Variants in AGO4 observed in about 807,000 individuals in gnomAD.
The protein encoded by AGO4 is protein argonaute-4.
AGO4 carries 33 observed loss-of-function variants against 104.7 expected under a neutral mutation model. The observed-to-expected ratio is 0.32, with a 90% confidence interval of 0.24 to 0.42. AGO4 has a LOEUF of 0.42. Ranked by LOEUF, AGO4 falls within the 10% of genes least tolerant of loss-of-function variation. AGO4 has a pLI of 1.00. For missense variants in AGO4, 711 were observed against 1,083.4 expected (o/e 0.66, Z 4.83); for synonymous variants, 331 against 364.7 (o/e 0.91, Z 1.05).
intron 13 of AGO4, among the ~76,000 whole-genome samples, chr1:35,840,227 G>C (rs1306211862): frequency 6.6e-6 from 1 of 151,606 alleles, no homozygotes; most frequent in African/African-American, 2.4e-5. Context: ...GTGTGATCTT[G>C]GCTCACTGCA....
chr1:35,808,549 A>G lies in AGO4; in HGVS notation c.19+114A>G. The G allele has an allele frequency of 2.2e-6, 2 of 926,922 alleles. No homozygotes were observed. Among genetic ancestry groups the G allele is most frequent in the East Asian group, 5.5e-5 (1 of 18,228 alleles). 57.4% of individuals were successfully genotyped at this position (926,922 alleles called of 1,614,324 possible). On this transcript the variant is annotated intron_variant, in intron 1 of 17. Coordinates refer to ENST00000373210, the MANE Select transcript of AGO4 (RefSeq NM_017629.4). The surrounding 1 kb of genome is among the most constrained non-coding windows in gnomAD (Gnocchi z 5.2). ...GGTTCGGGCCGCCAGGCCTCGGGGA[A>G]GGGGACCCGAGCCCCGCAGCACGAA...
chr1:35,832,079 G>A lies in AGO4; in HGVS notation c.1139G>A (p.Gly380Asp). Residue 380 changes from glycine (G) to aspartate (D), a missense_variant, in exon 10 of 18, where the codon GGT becomes GAT. Gly to Asp is a moderately conservative substitution (Grantham distance 94). Around this residue, in one of 3 missense-constraint regions of AGO4, gnomAD observed 401 missense variants for 665.5 expected, o/e 0.60. Transcript: ENST00000373210. ...SRLVKSNSMV[G>D]GPDPYLKEFG... ...TAGGTGAAGAGCAACAGTATGGTGGGTGGACCTGATCCATACCTTAAAGAA... is the reference window on the plus strand; with the variant it reads ...TAGGTGAAGAGCAACAGTATGGTGGATGGACCTGATCCATACCTTAAAGAA... 6.2e-7 allele frequency: 1 copy of A among 1,613,820 alleles called. No homozygotes were observed. The highest frequency in any genetic ancestry group is 1.1e-5 in the South Asian group (1 of 90,992).
intron 3 of AGO4, among the ~76,000 whole-genome samples, chr1:35,823,860 G>A (rs575545633): frequency 1.3e-5 from 2 of 152,106 alleles, no homozygotes; most frequent in Non-Finnish European, 2.9e-5. Context: ...TGGGATTACA[G>A]GCATGAGCCA....
chr1:35,841,166 C>G lies in AGO4; in HGVS notation c.1726C>G (p.Pro576Ala). The G allele has an allele frequency of 6.2e-7, 1 of 1,608,746 alleles. No homozygotes were observed. Among genetic ancestry groups the G allele is most frequent in the South Asian group, 1.1e-5 (1 of 90,976 alleles). ...INNVLVPHQRPSVFQQPVIFL... is the reference protein window; with the variant it reads ...INNVLVPHQRASVFQQPVIFL... Reference sequence around the variant, plus strand: ...CAACATCTCCTTAAATCTGAGCAGGCCCTCGGTGTTCCAGCAGCCTGTCAT... The same window carrying G: ...CAACATCTCCTTAAATCTGAGCAGGGCCTCGGTGTTCCAGCAGCCTGTCAT... The change falls in exon 14 of 18, where the codon CCC becomes GCC. Residue 576 changes from proline to alanine, a missense_variant and splice_region_variant. By Grantham distance (27) the Pro-to-Ala change is conservative (BLOSUM62 -1). Coordinates refer to ENST00000373210, the MANE Select transcript of AGO4 (RefSeq NM_017629.4). This position sits in a 1 kb window ranked among gnomAD's most constrained non-coding sequence, Gnocchi z 4.7.
chr1:35,844,629 C>G (rs926492565), intron 15 of AGO4, among the ~76,000 whole-genome samples: 1 of 152,184 alleles, frequency 6.6e-6, no homozygotes. Flanking sequence ...TCTCCTTCCT[C>G]GTATCTCTCC....
chr1:35,835,899 G>A lies in AGO4; in HGVS notation c.1630G>A (p.Val544Ile). 3 of 1,614,028 alleles carry A rather than the reference G, an allele frequency of 1.9e-6. No homozygotes were observed. Among genetic ancestry groups the A allele is most frequent in the Middle Eastern group, 1.7e-4 (1 of 6,060 alleles). Reference sequence around the variant, plus strand: ...CACACAGTGTGTCCAGGTAAAAAATGTAGTGAAGACCTCACCTCAAACCCT... The same window carrying A: ...CACACAGTGTGTCCAGGTAAAAAATATAGTGAAGACCTCACCTCAAACCCT... ...MATQCVQVKN[V>I]VKTSPQTLSN... Residue 544 changes from valine (V) to isoleucine (I), a missense_variant, in exon 13 of 18, where the codon GTA becomes ATA. By Grantham distance (29) the Val-to-Ile change is conservative (BLOSUM62 3). Coordinates refer to ENST00000373210, the MANE Select transcript of AGO4 (RefSeq NM_017629.4).
At chr1:35,845,545 C>T (rs1644552822) in intron 15 of AGO4, among the ~76,000 whole-genome samples, 1 of 152,072 alleles carries the variant, frequency 6.6e-6, no homozygotes, top group Non-Finnish European at 1.5e-5. Context: ...CTCCCTCTCT[C>T]CATTAAACAC....
At chr1:35,810,525 A>G (rs954927416) in intron 1 of AGO4, among the ~76,000 whole-genome samples, 3 of 152,168 alleles carry the variant, frequency 2.0e-5, no homozygotes, top group African/African-American at 7.2e-5. Context: ...TTATTTTGGT[A>G]ATATGTTGTT....
intron 1 of AGO4, among the ~76,000 whole-genome samples, chr1:35,809,887 C>T (rs555436688): frequency 1.3e-5 from 2 of 152,292 alleles, no homozygotes; most frequent in Non-Finnish European, 2.9e-5. Flanking sequence ...ACAGATGTTT[C>T]TTCCCTCCCC....
At chr1:35,848,418 C>A (rs1183715280) in intron 15 of AGO4, among the ~76,000 whole-genome samples, 3 of 151,156 alleles carry the variant, frequency 2.0e-5, no homozygotes, top group African/African-American at 7.3e-5. Flanking sequence ...CCCATATGCC[C>A]TTATGACATT....
At chr1:35,814,656 A>T (rs1417268486) in intron 1 of AGO4, among the ~76,000 whole-genome samples, 1 of 152,150 alleles carries the variant, frequency 6.6e-6, no homozygotes, top group Non-Finnish European at 1.5e-5. Flanking sequence ...TCTTTTGAAC[A>T]CAGAGGACGG....
At chr1:35,813,702 T>A (rs919582369) in intron 1 of AGO4, among the ~76,000 whole-genome samples, 5 of 151,318 alleles carry the variant, frequency 3.3e-5, no homozygotes, top group African/African-American at 4.9e-5. Flanking sequence ...TGAGCCATGA[T>A]TGACCCACTG....
intron 17 of AGO4, chr1:35,851,302 G>T: frequency 2.0e-6 from 1 of 509,784 alleles, no homozygotes. Context: ...CTCCCATGGA[G>T]CCAAATGCAT....
rs937052064 is a variant in AGO4, at chr1:35,832,076, T to C, written c.1136T>C (p.Val379Ala). Reference protein sequence around the residue: ...ISRLVKSNSMVGGPDPYLKEF... With the variant: ...ISRLVKSNSMAGGPDPYLKEF... Reference sequence around the variant, plus strand: ...CTTTAGGTGAAGAGCAACAGTATGGTGGGTGGACCTGATCCATACCTTAAA... The same window carrying C: ...CTTTAGGTGAAGAGCAACAGTATGGCGGGTGGACCTGATCCATACCTTAAA... The change falls in exon 10 of 18, where the codon GTG becomes GCG. Residue 379 changes from valine (V) to alanine (A), a missense_variant. Val to Ala is a moderately conservative substitution (Grantham distance 64, BLOSUM62 0). Around this residue, in one of 3 missense-constraint regions of AGO4, gnomAD observed 401 missense variants for 665.5 expected, o/e 0.60. Coordinates refer to ENST00000373210, the MANE Select transcript of AGO4 (RefSeq NM_017629.4). 1.7e-5 allele frequency: 28 copies of C among 1,613,266 alleles called. No individual in the cohort carries two copies. Among genetic ancestry groups the C allele is most frequent in the Non-Finnish European group, 2.4e-5 (28 of 1,179,814 alleles).
chr1:35,843,944 T>A (rs576771956), intron 15 of AGO4, among the ~76,000 whole-genome samples: 1 of 152,358 alleles, frequency 6.6e-6, no homozygotes, highest in South Asian at 2.1e-4. Context: ...TTTACTAATA[T>A]CTTCAATTCT....
At chr1:35,835,071 CG>C (rs1475916102) in intron 12 of AGO4, among the ~76,000 whole-genome samples, 4 of 132,504 alleles carry the variant, frequency 3.0e-5, no homozygotes, top group African/African-American at 1.1e-4. Context: ...AGTGCAGTGG[CG>C]CAATCTTGAC....
intron 13 of AGO4, among the ~76,000 whole-genome samples, chr1:35,839,929 T>G (rs1386441022): frequency 6.6e-6 from 1 of 150,534 alleles, no homozygotes; most frequent in Non-Finnish European, 1.5e-5. Flanking sequence ...ATCATGCCAT[T>G]GCACTCTAGC....
chr1:35,834,485 C>T (rs536354377), intron 12 of AGO4, among the ~76,000 whole-genome samples: 3 of 152,220 alleles, frequency 2.0e-5, no homozygotes, highest in East Asian at 3.9e-4. Context: ...ACCCAACTTG[C>T]GTGGGAGCAG....
Position 35,825,467 on chromosome 1 carries a change from T to G in AGO4, c.461T>G (p.Val154Gly). ...GATGACTCAGTACAAGCACTTGATG[T>G]TATCACAAGACACCTTCCCTCCATG... is the stretch of plus-strand genomic sequence containing the variant. ...VPDDSVQALD[V>G]ITRHLPSMRY... The change falls in exon 4 of 18, where the codon GTT (valine) becomes GGT (glycine). Residue 154 changes from valine (V) to glycine (G), a missense_variant. By Grantham distance (109) the Val-to-Gly change is moderately radical. This residue lies in a region of AGO4 where 308 missense variants were observed against 397.8 expected (regional missense o/e 0.77). Transcript: ENST00000373210. 1.2e-6 allele frequency: 2 copies of G among 1,614,082 alleles called. No individual in the cohort carries two copies. Among genetic ancestry groups the G allele is most frequent in the Non-Finnish European group, 1.7e-6 (2 of 1,179,972 alleles).
Sources: gnomAD v4.1 joint callset for allele counts (sites outside exome capture counted in the v4.1 genomes callset) on GRCh38, gnomAD v4.1.1 for gene constraint, gnomAD v4.1.1 regional missense constraint, Gnocchi (gnomAD v3.1) non-coding constraint, MANE v1.5 for transcripts, NCBI Gene and HGNC (gene_info 2026-07-23, HGNC 2026-07-21) for gene names.